Variants in ARNT2 observed in about 807,000 individuals in gnomAD.
The protein encoded by ARNT2 is aryl hydrocarbon receptor nuclear translocator 2.
Under a neutral mutation model 91.7 loss-of-function variants are expected in ARNT2, and 36 were observed. The observed-to-expected ratio is 0.39, with a 90% CI of 0.30 to 0.52. The LOEUF is 0.52. ARNT2 is among the 20% of genes least tolerant of loss of function. ARNT2 has a pLI of 0.72. For synonymous variants in ARNT2, 365 were observed against 347.1 expected, an observed-to-expected ratio of 1.05 and a Z score of -0.57; for missense variants, 775 against 939.3, an observed-to-expected ratio of 0.83 and a Z score of 2.29.
At chr15:80,431,207 C>T (rs1896004094) in intron 1 of ARNT2, among the ~76,000 whole-genome samples, 1 of 152,204 alleles carries the variant, frequency 6.6e-6, no homozygotes, top group Non-Finnish European at 1.5e-5. Flanking sequence ...AGCCTTGGGC[C>T]TTGTGAACAG....
chr15:80,475,015 G>A lies in ARNT2; in HGVS notation c.414G>A (p.Leu138=). The A allele has an allele frequency of 6.2e-7, 1 of 1,614,068 alleles. No homozygotes were observed. The highest frequency in any genetic ancestry group is 8.5e-7 in the Non-Finnish European group (1 of 1,180,018). ...TCATAATCTTTTCTTTATAGGAACT[G>A]AAGCATCTCATCCTTGAAGCAGCTG... is the stretch of plus-strand genomic sequence containing the variant. The part of the protein sequence containing the change: ...YKPSFLTEQE[L]KHLILEAADG... The change falls in exon 5 of 19, where the codon CTG becomes CTA. Residue 138 remains leucine (L), a synonymous_variant. Transcript: ENST00000303329.
At chr15:80,510,641 C>T (rs545968239) in intron 6 of ARNT2, among the ~76,000 whole-genome samples, 5 of 151,856 alleles carry the variant, frequency 3.3e-5, no homozygotes, top group Non-Finnish European at 5.9e-5. Flanking sequence ...CTATCCTGGC[C>T]AACATGGTGA....
intron 1 of ARNT2, among the ~76,000 whole-genome samples, chr15:80,408,758 G>T (rs1406547663): frequency 2.0e-5 from 3 of 151,626 alleles, no homozygotes; most frequent in Admixed American, 1.3e-4. Context: ...TTCTTTTATG[G>T]ACTTATAAGA....
At chr15:80,468,368 G>A (rs552386555) in intron 3 of ARNT2, among the ~76,000 whole-genome samples, 1 of 151,658 alleles carries the variant, frequency 6.6e-6, no homozygotes, top group South Asian at 2.1e-4. Flanking sequence ...AGCCTGCCAT[G>A]CACGACAGCT....
At chr15:80,424,792 G>T (rs1310728300) in intron 1 of ARNT2, among the ~76,000 whole-genome samples, 1 of 140,266 alleles carries the variant, frequency 7.1e-6, no homozygotes, top group African/African-American at 2.6e-5. Flanking sequence ...AAAAAAAATA[G>T]GTAAACAGAG....
intron 1 of ARNT2, among the ~76,000 whole-genome samples, chr15:80,423,976 T>A (rs1312413248): frequency 6.6e-6 from 1 of 152,250 alleles, no homozygotes; most frequent in Non-Finnish European, 1.5e-5. Context: ...TTTCTCTTCC[T>A]CGTGGTCCCT....
intron 2 of ARNT2, among the ~76,000 whole-genome samples, chr15:80,454,160 T>C (rs1173026096): frequency 1.3e-5 from 2 of 152,082 alleles, no homozygotes; most frequent in Non-Finnish European, 2.9e-5. Flanking sequence ...CAAAAGTGAT[T>C]CCACATGCGT....
chr15:80,580,693 G>A, intron 16 of ARNT2, 144 bp downstream of exon 16: 1 of 1,085,760 alleles, frequency 9.2e-7, no homozygotes, highest in East Asian at 2.6e-5. Flanking sequence ...CTACTCAGGA[G>A]CACCATCCAC....
At chr15:80,518,249 T>A (rs1897473933) in intron 8 of ARNT2, among the ~76,000 whole-genome samples, 1 of 151,668 alleles carries the variant, frequency 6.6e-6, no homozygotes, top group Non-Finnish European at 1.5e-5. Flanking sequence ...TACCTTTGGT[T>A]TTCCGAAGAA....
intron 1 of ARNT2, among the ~76,000 whole-genome samples, chr15:80,433,360 A>G (rs1896040031): frequency 6.6e-6 from 1 of 150,986 alleles, no homozygotes; most frequent in Non-Finnish European, 1.5e-5. Context: ...ATCTCGGCTC[A>G]CTGCAACCTC....
chr15:80,562,265 G>T (rs1047977645), intron 11 of ARNT2, among the ~76,000 whole-genome samples: 1 of 152,006 alleles, frequency 6.6e-6, no homozygotes, highest in Non-Finnish European at 1.5e-5. Context: ...ACGGGGTTTT[G>T]CCATGTTGGC....
At chr15:80,438,142 T>C (rs1896121968) in intron 1 of ARNT2, among the ~76,000 whole-genome samples, 1 of 152,350 alleles carries the variant, frequency 6.6e-6, no homozygotes, top group South Asian at 2.1e-4. Context: ...TTTTTATTTA[T>C]TAGGATTCCT....
chr15:80,556,481 C>CA (rs1401018939), intron 11 of ARNT2: 2 of 152,394 alleles, frequency 1.3e-5, no homozygotes, highest in African/African-American at 4.8e-5. Flanking sequence ...AGAATATGGG[C>CA]AGGAGCAGTG....
At position 80,555,054 on chromosome 15, in the gene ARNT2, CTTTTA is replaced by C; in HGVS notation, c.1090-7_1090-3del. 6.2e-7 allele frequency: 1 copy of C among 1,613,162 alleles called. No individual in the cohort carries two copies. The highest frequency in any genetic ancestry group is 8.5e-7 in the Non-Finnish European group (1 of 1,179,128). On this transcript the variant is annotated splice_region_variant and splice_polypyrimidine_tract_variant and intron_variant, in intron 10 of 18. Transcript: ENST00000303329. ...GATCTGGGATTATTAAAGCTTGTCT[CTTTTA>C]TTTAGGATCTTCTGGGAAAGGACAT...
At chr15:80,542,922 A>G (rs1174107750) in intron 8 of ARNT2, among the ~76,000 whole-genome samples, 1 of 151,700 alleles carries the variant, frequency 6.6e-6, no homozygotes, top group Non-Finnish European at 1.5e-5. Flanking sequence ...ACATGGTGAA[A>G]CCCCATCTCA....
intron 5 of ARNT2, among the ~76,000 whole-genome samples, chr15:80,505,226 T>A (rs1303313158): frequency 6.6e-6 from 1 of 152,222 alleles, no homozygotes; most frequent in African/African-American, 2.4e-5. Flanking sequence ...TGGCGTCACA[T>A]AAATGGTAGA....
intron 5 of ARNT2, among the ~76,000 whole-genome samples, chr15:80,505,924 G>GTTTTTTTTTTTT: frequency 1.4e-5 from 1 of 71,204 alleles, no homozygotes; most frequent in African/African-American, 6.6e-5. Flanking sequence ...CCCAACATTT[G>GTTTTTTTTTTTT]TTGTTTTTTT....
Position 80,577,074 on chromosome 15 carries a change from T to C in ARNT2, c.1613+109T>C. On this transcript the variant is annotated intron_variant, in intron 15 of 18. Coordinates refer to ENST00000303329, the MANE Select transcript of ARNT2 (RefSeq NM_014862.4). ...GCTGTAAGCATGAGTTAGTGGTTAC[T>C]GGCGCTCAGGCCTTGGACTAAACTG... The C allele has an allele frequency of 1.0e-5, 11 of 1,094,792 alleles. No individual in the cohort carries two copies. In the South Asian group the frequency reaches 1.2e-4, roughly 12 times the overall value. The allele number at this position is 1,094,792 out of a possible 1,614,324, so 67.8% of individuals were successfully genotyped here.
chr15:80,455,421 C>G (rs956917420), intron 2 of ARNT2, among the ~76,000 whole-genome samples: 2 of 152,148 alleles, frequency 1.3e-5, no homozygotes, highest in African/African-American at 2.4e-5. Context: ...TCCCGGCGGA[C>G]TTCAGAAGAC....
Sources: gnomAD v4.1 joint callset for allele counts (sites outside exome capture counted in the v4.1 genomes callset) on GRCh38, gnomAD v4.1.1 for gene constraint, MANE v1.5 for transcripts, NCBI Gene and HGNC (gene_info 2026-07-23, HGNC 2026-07-21) for gene names.